The following CCDC83 variants were observed in gnomAD, a reference collection of about 807,000 sequenced individuals.
CCDC83 encodes coiled-coil domain-containing protein 83.
CCDC83 carries 54 observed loss-of-function variants against 50.1 expected under a neutral mutation model. The ratio of observed to expected loss-of-function variants is 1.08; its 90% CI spans 0.87 to 1.35. The LOEUF is 1.35. Ranked by LOEUF, CCDC83 falls within the 40% of genes most tolerant of loss-of-function variation. The pLI, the probability that CCDC83 is intolerant of heterozygous loss-of-function variation, is 0.00. For synonymous variants in CCDC83, 161 were observed against 153.3 expected, an observed-to-expected ratio of 1.05 and a Z score of -0.37; for missense variants, 518 against 473.9, an observed-to-expected ratio of 1.09 and a Z score of -0.86.
chr11:85,868,331 GATT>G (rs2093219265), intron 2 of CCDC83, among the ~76,000 whole-genome samples: 2 of 152,172 alleles, frequency 1.3e-5, no homozygotes, highest in East Asian at 3.8e-4. Context: ...AAAAAATGGA[GATT>G]ATGATATAGA....
chr11:85,876,971 C>T (rs921934711), intron 3 of CCDC83, among the ~76,000 whole-genome samples: 12 of 152,090 alleles, frequency 7.9e-5, no homozygotes, highest in African/African-American at 2.9e-4. Flanking sequence ...ATTTACCTCA[C>T]TTTGTAGGAT....
At chr11:85,914,108 TAACTA>T (rs1211934979) in intron 8 of CCDC83, among the ~76,000 whole-genome samples, 1 of 152,254 alleles carries the variant, frequency 6.6e-6, no homozygotes, top group South Asian at 2.1e-4. Flanking sequence ...AAACTTACCT[TAACTA>T]AAGTTAAGTT....
rs1478215010 is a variant in CCDC83, at chr11:85,916,096, A to T, written c.943A>T (p.Thr315Ser). The change falls in exon 10 of 11, where the codon ACT becomes TCT. Residue 315 changes from threonine (T) to serine (S), a missense_variant. Thr to Ser is a moderately conservative substitution (Grantham distance 58, BLOSUM62 1). Coordinates refer to ENST00000342404, the MANE Select transcript of CCDC83 (RefSeq NM_001286159.2). ...CTTGATGTCCTCATCAGATGAGAGC[A>T]CTATCTTACATCTTAGTCATGAAAA... ...RDLMSSSDES[T>S]ILHLSHENSI... The T allele has an allele frequency of 6.2e-7, 1 of 1,613,158 alleles. No homozygotes were observed. The highest frequency in any genetic ancestry group is 1.3e-5 in the African/African-American group (1 of 75,036).
At chr11:85,870,780 A>G (rs1327233670) in intron 2 of CCDC83, among the ~76,000 whole-genome samples, 1 of 152,200 alleles carries the variant, frequency 6.6e-6, no homozygotes, top group East Asian at 1.9e-4. Flanking sequence ...CATAATGTGT[A>G]AACAATATGT....
chr11:85,905,969 CAAAAAAAAAAAAA>C (rs760367430), intron 7 of CCDC83, among the ~76,000 whole-genome samples: 1 of 47,644 alleles, frequency 2.1e-5, no homozygotes, highest in Non-Finnish European at 4.4e-5. Flanking sequence ...GACTCCGTCT[CAAAAAAAAAAAAA>C]AAAAAAAAAG....
intron 6 of CCDC83, among the ~76,000 whole-genome samples, chr11:85,896,888 T>C (rs932507299): frequency 1.3e-5 from 2 of 152,208 alleles, no homozygotes; most frequent in African/African-American, 4.8e-5. Context: ...CTGGTCTTTT[T>C]TCAAAAGGTT....
At chr11:85,906,331 T>C (rs1452363079) in intron 7 of CCDC83, among the ~76,000 whole-genome samples, 2 of 152,068 alleles carry the variant, frequency 1.3e-5, no homozygotes, top group African/African-American at 4.8e-5. Context: ...CCTCCCCAAA[T>C]GGTGGGATTA....
intron 2 of CCDC83, among the ~76,000 whole-genome samples, chr11:85,872,336 T>C (rs911776158): frequency 3.9e-5 from 6 of 152,070 alleles, no homozygotes; most frequent in Middle Eastern, 3.4e-3. Flanking sequence ...AATAGAAAAA[T>C]TAGCCGGGTG....
intron 4 of CCDC83, among the ~76,000 whole-genome samples, chr11:85,884,356 C>G (rs981967270): frequency 6.6e-6 from 1 of 152,188 alleles, no homozygotes; most frequent in Non-Finnish European, 1.5e-5. Context: ...AAGTGCTTCA[C>G]CTATCAGCTT....
chr11:85,878,290 T>A (rs2093279434), intron 3 of CCDC83, among the ~76,000 whole-genome samples: 1 of 152,180 alleles, frequency 6.6e-6, no homozygotes, highest in South Asian at 2.1e-4. Flanking sequence ...AAGATTTCCA[T>A]CACCACAAGT....
At position 85,882,611 on chromosome 11, in the gene CCDC83, G is replaced by C. The variant is rs748275624; in HGVS notation, c.279G>C (p.Glu93Asp). 1.2e-6 allele frequency: 2 copies of C among 1,613,916 alleles called. No individual in the cohort carries two copies. The highest frequency in any genetic ancestry group is 2.7e-5 in the African/African-American group (2 of 74,910). ...AGGGATTGCCAGTTGTAACAAGAGAGGATGTTGAAGAAGCGATGAAGGAAA... is the reference window on the plus strand; with the variant it reads ...AGGGATTGCCAGTTGTAACAAGAGACGATGTTGAAGAAGCGATGAAGGAAA... ...KAEGLPVVTR[E>D]DVEEAMKEKW... The change falls in exon 4 of 11, where the codon GAG becomes GAC. Residue 93 changes from glutamate to aspartate, a missense_variant. Glu to Asp is a conservative substitution (Grantham distance 45). Transcript: ENST00000342404.
In CCDC83 at chr11:85,882,722, T is replaced by C. The variant is rs1428696769; in HGVS notation, c.343+47T>C. On this transcript the variant is annotated intron_variant, in intron 4 of 10. Coordinates refer to ENST00000342404, the MANE Select transcript of CCDC83 (RefSeq NM_001286159.2). ...CTATCATAGAGTTGTGCCAAGTTATTTCTTGAATATATTAATGCTTTATTC... is the reference window on the plus strand; with the variant it reads ...CTATCATAGAGTTGTGCCAAGTTATCTCTTGAATATATTAATGCTTTATTC... 2.6e-6 allele frequency: 4 copies of C among 1,515,266 alleles called. No homozygotes were observed. The African/African-American group carries it at 4.1e-5, about 16-fold the overall frequency. 93.9% of individuals were successfully genotyped at this position (1,515,266 alleles called of 1,614,324 possible).
At chr11:85,886,697 G>A (rs551123189) in intron 5 of CCDC83, among the ~76,000 whole-genome samples, 2 of 152,300 alleles carry the variant, frequency 1.3e-5, no homozygotes, top group Admixed American at 6.5e-5. Flanking sequence ...AGGATCGCTT[G>A]AGCCAAGAAG....
chr11:85,907,331 G>C (rs1325376930), intron 7 of CCDC83, among the ~76,000 whole-genome samples: 1 of 151,842 alleles, frequency 6.6e-6, no homozygotes, highest in Non-Finnish European at 1.5e-5. Context: ...GTTTTATTTA[G>C]CATGCTTATT....
At chr11:85,857,982 C>T (rs2093152542) in intron 1 of CCDC83, among the ~76,000 whole-genome samples, 1 of 152,188 alleles carries the variant, frequency 6.6e-6, no homozygotes, top group Non-Finnish European at 1.5e-5. Context: ...TAACACTGGA[C>T]ACTTTGACAT....
intron 10 of CCDC83, among the ~76,000 whole-genome samples, chr11:85,917,730 A>G (rs1049749646): frequency 1.3e-5 from 2 of 152,150 alleles, no homozygotes; most frequent in African/African-American, 2.4e-5. Context: ...CTACAATTCA[A>G]TCCTGCTGCC....
chr11:85,908,752 C>CAAAAA (rs60768638), intron 7 of CCDC83, among the ~76,000 whole-genome samples: 1 of 136,286 alleles, frequency 7.3e-6, no homozygotes, highest in Non-Finnish European at 1.6e-5. Flanking sequence ...AAAAAAATAC[C>CAAAAA]AAAAAAAAAA....
intron 10 of CCDC83, among the ~76,000 whole-genome samples, chr11:85,918,434 G>T (rs2093492672): frequency 6.6e-6 from 1 of 152,194 alleles, no homozygotes; most frequent in South Asian, 2.1e-4. Flanking sequence ...ACGTGTCAAA[G>T]GAATTAAAAA....
At chr11:85,885,411 T>C (rs1184886309) in intron 4 of CCDC83, among the ~76,000 whole-genome samples, 1 of 152,186 alleles carries the variant, frequency 6.6e-6, no homozygotes, top group Non-Finnish European at 1.5e-5. Context: ...AATGTAGTCT[T>C]TCCTTCAAAG....
Sources: allele counts gnomAD v4.1 joint callset (sites outside exome capture counted in the v4.1 genomes callset), GRCh38; gene constraint gnomAD v4.1.1; transcripts MANE v1.5; gene names NCBI Gene and HGNC (gene_info 2026-07-23, HGNC 2026-07-21).